The following MAGI2 variants were observed in gnomAD, a reference collection of about 807,000 sequenced individuals.
MAGI2 encodes the protein membrane associated guanylate kinase, WW and PDZ domain containing 2.
MAGI2 carries 35 observed loss-of-function variants against 133.3 expected under a neutral mutation model. That is an observed-to-expected ratio of 0.26 (90% CI 0.20 to 0.35). The LOEUF (loss-of-function observed/expected upper bound fraction) is 0.35, where lower values mean the gene tolerates loss of function less well. MAGI2 is among the 10% of genes least tolerant of loss of function. The probability of loss-of-function intolerance (pLI) is 1.00; values close to 1 mark genes in which losing one functional copy is unlikely to be tolerated. For synonymous variants in MAGI2, 729 were observed against 710.6 expected, an observed-to-expected ratio of 1.03 and a Z score of -0.41; for missense variants, 1,636 against 1,863.4, an observed-to-expected ratio of 0.88 and a Z score of 2.25.
chr7:78,943,377 C>G (rs1801142738), intron 2 of MAGI2, among the ~76,000 whole-genome samples: 1 of 152,060 alleles, frequency 6.6e-6, no homozygotes, highest in African/African-American at 2.4e-5. Context: ...ACTGTCAAAG[C>G]AGATCATGAA....
At chr7:78,221,290 C>G (rs139746614) in intron 10 of MAGI2, among the ~76,000 whole-genome samples, 148 of 152,308 alleles carry the variant, frequency 9.7e-4, no homozygotes, top group Admixed American at 1.7e-3. Flanking sequence ...ACCCTTAGTT[C>G]TCTTCCGCCT....
chr7:78,778,578 A>C (rs1563494650), intron 2 of MAGI2, among the ~76,000 whole-genome samples: 1 of 152,210 alleles, frequency 6.6e-6, no homozygotes, highest in Non-Finnish European at 1.5e-5. Context: ...GAATTAACCA[A>C]GCATATTCCC....
At chr7:78,961,994 C>T (rs1228286629) in intron 2 of MAGI2, among the ~76,000 whole-genome samples, 1 of 151,920 alleles carries the variant, frequency 6.6e-6, no homozygotes, top group Non-Finnish European at 1.5e-5. Context: ...GCAACTATGA[C>T]ACAATGTTAA....
intron 1 of MAGI2, among the ~76,000 whole-genome samples, chr7:79,280,515 G>A (rs2129557917): frequency 6.6e-6 from 1 of 152,274 alleles, no homozygotes; most frequent in East Asian, 1.9e-4. Context: ...TGTATTGGAA[G>A]TCAGGGAGTA....
intron 1 of MAGI2, among the ~76,000 whole-genome samples, chr7:79,061,813 T>C (rs1358955864): frequency 6.6e-6 from 1 of 152,026 alleles, no homozygotes; most frequent in Non-Finnish European, 1.5e-5. Flanking sequence ...TTCTGACAAG[T>C]GAAGTCACAG....
At chr7:79,187,176 C>T (rs1451243658) in intron 1 of MAGI2, among the ~76,000 whole-genome samples, 1 of 151,378 alleles carries the variant, frequency 6.6e-6, no homozygotes, top group Non-Finnish European at 1.5e-5. Flanking sequence ...ATGAATAAAA[C>T]ATTATGATGA....
chr7:78,405,421 G>A (rs990855979), intron 6 of MAGI2, among the ~76,000 whole-genome samples: 1 of 152,004 alleles, frequency 6.6e-6, no homozygotes, highest in Non-Finnish European at 1.5e-5. Context: ...AATTAAGTAA[G>A]CTTCATTTGA....
chr7:78,567,477 C>T lies in MAGI2; in HGVS notation c.539-45832G>A, dbSNP rs553122788. Among the ~76,000 whole-genome samples the T allele has an allele frequency of 1.6e-4, 24 of 152,204 alleles. No homozygotes were observed. The South Asian group carries it at 2.7e-3, about 17-fold the overall frequency. On this transcript the variant is annotated intron_variant, in intron 3 of 21. Coordinates refer to ENST00000354212, the MANE Select transcript of MAGI2 (RefSeq NM_012301.4). ...TTCTCTCACACAGACAGAAATATTT[C>T]TGGCTTAATTGGTAGCTTTTGTATC...
Position 78,944,948 on chromosome 7 carries a change from G to A in MAGI2, c.418+62142C>T, listed in dbSNP as rs561180105. Among the ~76,000 whole-genome samples the A allele has an allele frequency of 3.3e-5, 5 of 151,890 alleles. No individual in the cohort carries two copies. The South Asian group carries it at 6.2e-4, about 19-fold the overall frequency. Reference sequence around the variant, plus strand: ...GAGATGGGGTTTCATCATGTTGCCCGAGCTGGTCTGGTACTCCTGGGCTCA... The same window carrying A: ...GAGATGGGGTTTCATCATGTTGCCCAAGCTGGTCTGGTACTCCTGGGCTCA... On this transcript the variant is annotated intron_variant, in intron 2 of 21. Coordinates refer to ENST00000354212, the MANE Select transcript of MAGI2 (RefSeq NM_012301.4).
At chr7:79,072,640 A>C (rs1292717506) in intron 1 of MAGI2, among the ~76,000 whole-genome samples, 1 of 152,238 alleles carries the variant, frequency 6.6e-6, no homozygotes, top group African/African-American at 2.4e-5. Flanking sequence ...CTAGTTATTA[A>C]AAAACAAATT....
intron 20 of MAGI2, among the ~76,000 whole-genome samples, chr7:78,122,844 A>AT (rs1417097424): frequency 1.3e-5 from 2 of 151,506 alleles, no homozygotes; most frequent in African/African-American, 4.9e-5. Flanking sequence ...TATGTTCATT[A>AT]TTTTTTGCCT....
chr7:79,067,747 T>C (rs1287040114), intron 1 of MAGI2, among the ~76,000 whole-genome samples: 3 of 152,238 alleles, frequency 2.0e-5, no homozygotes, highest in African/African-American at 7.2e-5. Context: ...GGGTTTGACC[T>C]AAATAGCTCT....
chr7:78,737,187 T>C (rs954465043), intron 2 of MAGI2, among the ~76,000 whole-genome samples: 22 of 152,208 alleles, frequency 1.4e-4, no homozygotes, highest in Admixed American at 1.2e-3. Context: ...CCACTGCCCA[T>C]TTGATAAGCT....
intron 9 of MAGI2, among the ~76,000 whole-genome samples, chr7:78,328,411 G>A (rs1317984778): frequency 6.7e-6 from 1 of 149,990 alleles, no homozygotes; most frequent in Non-Finnish European, 1.5e-5. Context: ...ATATATTTAA[G>A]GATATAAGAT....
At chr7:78,601,087 G>T (rs1805152019) in intron 3 of MAGI2, among the ~76,000 whole-genome samples, 1 of 152,146 alleles carries the variant, frequency 6.6e-6, no homozygotes. Flanking sequence ...CCTTGGATCT[G>T]ATTCACCCCT....
At chr7:79,222,046 A>C (rs920449486) in intron 1 of MAGI2, among the ~76,000 whole-genome samples, 2 of 152,086 alleles carry the variant, frequency 1.3e-5, no homozygotes, top group African/African-American at 4.8e-5. Flanking sequence ...AATAATTAAA[A>C]GCTACCAAGT....
chr7:78,103,472 A>T (rs1818383571), intron 20 of MAGI2, among the ~76,000 whole-genome samples: 1 of 152,226 alleles, frequency 6.6e-6, no homozygotes, highest in South Asian at 2.1e-4. Context: ...CAATTTATTA[A>T]TGCCCTAGAA....
At chr7:79,259,325 T>G (rs182225308) in intron 1 of MAGI2, among the ~76,000 whole-genome samples, 2 of 152,340 alleles carry the variant, frequency 1.3e-5, no homozygotes, top group East Asian at 3.9e-4. Context: ...TTAAGCTGAA[T>G]GGCACCTTAT....
chr7:79,400,865 C>A (rs554975074), intron 1 of MAGI2, among the ~76,000 whole-genome samples: 92 of 152,086 alleles, frequency 6.0e-4, no homozygotes, highest in African/African-American at 2.0e-3. Flanking sequence ...TGATGTTGAG[C>A]AGTTTTTTAG....
Sources: allele counts gnomAD v4.1 joint callset (sites outside exome capture counted in the v4.1 genomes callset), GRCh38; gene constraint gnomAD v4.1.1; transcripts MANE v1.5; gene names NCBI Gene and HGNC (gene_info 2026-07-23, HGNC 2026-07-21).